SLC12A9: variants seen among roughly 807,000 people sequenced by gnomAD.
The protein encoded by SLC12A9 is CCC-interacting protein 1.
Under a neutral mutation model 66.0 loss-of-function variants are expected in SLC12A9, and 55 were observed. The ratio of observed to expected loss-of-function variants is 0.83; its 90% CI spans 0.67 to 1.04. The LOEUF (loss-of-function observed/expected upper bound fraction) is 1.04. SLC12A9 is among the 50% of genes least tolerant of loss of function. SLC12A9 has a pLI of 0.00. For missense variants in SLC12A9, 1,061 were observed against 1,241.9 expected (o/e 0.85, Z 2.19); for synonymous variants, 577 against 569.0 (o/e 1.01, Z -0.20).
In SLC12A9 at chr7:100,852,846, G is replaced by A. The variant is rs1445669866; in HGVS notation, c.-43+11G>A. The A allele has an allele frequency of 1.3e-5, 2 of 152,260 alleles. No homozygotes were observed. Among genetic ancestry groups the A allele is most frequent in the Non-Finnish European group, 2.9e-5 (2 of 68,088 alleles). The allele number at this position is 152,260 out of a possible 1,614,324, so 9.4% of individuals were successfully genotyped here. The stretch of plus-strand genomic sequence containing the variant: ...CGCTGCGTCCTGCGGGTGGGTGAGT[G>A]AGCGCCTCGCGGCCCCCGAGCTGTG... On this transcript the variant is annotated intron_variant, in intron 1 of 13. Transcript: ENST00000354161.
chr7:100,827,122 C>T (rs985973245), intron 1 of SLC12A9: 4 of 1,402,622 alleles, frequency 2.9e-6, no homozygotes, highest in East Asian at 2.6e-5. Flanking sequence ...GACGCCGATA[C>T]TCCGCGCGGG....
Position 100,861,951 on chromosome 7 carries a change from C to A in SLC12A9, c.1711+40C>A. 1 of 1,503,826 alleles carries A rather than the reference C, an allele frequency of 6.6e-7. No homozygotes were observed. The allele number at this position is 1,503,826 out of a possible 1,614,324, so 93.2% of individuals were successfully genotyped here. A position where few individuals can be genotyped will look rare whatever the true frequency, so the allele number is the denominator to read the frequency against. On this transcript the variant is annotated intron_variant, in intron 12 of 13. Transcript: ENST00000354161. The surrounding 1 kb of genome is among the most constrained non-coding windows in gnomAD (Gnocchi z 5.3). Reference sequence around the variant, plus strand: ...CACTCACTCACTCACTCCCATCCTTCTCTCCCCCTACCTTTTTTTTTTTTT... The same window carrying A: ...CACTCACTCACTCACTCCCATCCTTATCTCCCCCTACCTTTTTTTTTTTTT...
rs770883827 is a variant in SLC12A9, at chr7:100,857,034, C to A, written c.615C>A (p.Ala205=). ...TCCTGCTGGTCTCTGGCTCCCTGGC[C>A]TCTGTGCTCATCAGTTTTGTGGCTG... is the stretch of plus-strand genomic sequence containing the variant. The part of the protein sequence containing the change: ...LTFLLVSGSL[A]SVLISFVAVG... Residue 205 remains alanine, a synonymous_variant, in exon 5 of 14, where the codon GCC becomes GCA. Coordinates refer to ENST00000354161, the MANE Select transcript of SLC12A9 (RefSeq NM_020246.4). 6.2e-7 allele frequency: 1 copy of A among 1,614,240 alleles called. No homozygotes were observed. Among genetic ancestry groups the A allele is most frequent in the Non-Finnish European group, 8.5e-7 (1 of 1,180,040 alleles).
intron 4 of SLC12A9, chr7:100,856,529 T>A (rs575761400): frequency 6.0e-4 from 127 of 211,486 alleles, no homozygotes; most frequent in Admixed American, 1.4e-3. Flanking sequence ...TTTTTTTTTT[T>A]CTTGAGAGAA....
intron 1 of SLC12A9, among the ~76,000 whole-genome samples, chr7:100,839,561 A>ACT (rs1187612802): frequency 2.6e-5 from 4 of 151,952 alleles, no homozygotes; most frequent in Non-Finnish European, 5.9e-5. Flanking sequence ...CCTGCGGGCG[A>ACT]CTCTAACTAG....
intron 1 of SLC12A9, among the ~76,000 whole-genome samples, chr7:100,831,619 C>T (rs893126353): frequency 2.6e-5 from 4 of 152,158 alleles, no homozygotes; most frequent in South Asian, 2.1e-4. Context: ...GGACCCCGCG[C>T]GGGGACCATG....
At chr7:100,831,180 GTATTT>G (rs914413606) in intron 1 of SLC12A9, among the ~76,000 whole-genome samples, 1 of 152,034 alleles carries the variant, frequency 6.6e-6, no homozygotes, top group African/African-American at 2.4e-5. Flanking sequence ...CTTTTCTTTT[GTATTT>G]TATTTTATTT....
At chr7:100,829,344 A>C (rs773115094) in intron 1 of SLC12A9, among the ~76,000 whole-genome samples, 2 of 152,096 alleles carry the variant, frequency 1.3e-5, no homozygotes, top group Non-Finnish European at 2.9e-5. Context: ...AGCAAGAGAG[A>C]CGTTGGAGTC....
At chr7:100,850,045 G>A (rs749287078), upstream of SLC12A9, among the ~76,000 whole-genome samples, 13 of 152,002 alleles carry the variant, frequency 8.6e-5, no homozygotes, top group Non-Finnish European at 1.9e-4. Flanking sequence ...GCTAATTTTT[G>A]TATTTTTAGT....
intron 1 of SLC12A9, among the ~76,000 whole-genome samples, chr7:100,840,640 GGAGAGAGAGAAAGACA>G (rs1813766909): frequency 6.6e-6 from 1 of 151,570 alleles, no homozygotes. Flanking sequence ...AGGGAGTCAA[GGAGAGAGAGAAAGACA>G]GAGAGAAAGA....
intron 7 of SLC12A9, 60 bp from the exon 8 acceptor site, chr7:100,859,825 T>G: frequency 4.6e-6 from 7 of 1,534,568 alleles, no homozygotes; most frequent in African/African-American, 1.4e-5. Flanking sequence ...AGATCGGGGC[T>G]GGAGATTTTC....
chr7:100,865,493 G>A (rs1409001390), intron 13 of SLC12A9: 1 of 1,531,936 alleles, frequency 6.5e-7, no homozygotes, highest in Non-Finnish European at 8.8e-7. Flanking sequence ...TGTTTAAGTG[G>A]AGGAGATTAG....
At chr7:100,851,500 T>C (rs1814075600), upstream of SLC12A9, among the ~76,000 whole-genome samples, 2 of 144,098 alleles carry the variant, frequency 1.4e-5, no homozygotes, top group African/African-American at 5.1e-5. Context: ...CTCAGCTCAC[T>C]GCAACCTCTG....
chr7:100,860,969 T>G lies in SLC12A9; in HGVS notation c.1219-169T>G. The G allele has an allele frequency of 3.3e-6, 4 of 1,226,904 alleles. No homozygotes were observed. In the East Asian group the frequency reaches 7.2e-5, roughly 22 times the overall value. 76.0% of individuals were successfully genotyped at this position (1,226,904 alleles called of 1,614,324 possible). A position where few individuals can be genotyped will look rare whatever the true frequency, so the allele number is the denominator to read the frequency against. On this transcript the variant is annotated intron_variant, in intron 9 of 13. Coordinates refer to ENST00000354161, the MANE Select transcript of SLC12A9 (RefSeq NM_020246.4). The stretch of plus-strand genomic sequence containing the variant: ...GCACTTTTGGGGTTTAATAGCATTT[T>G]GGGGGTTCATTGACACTTTGGGGGT...
At position 100,865,969 on chromosome 7, in the gene SLC12A9, C is replaced by T. The variant is rs953354814; in HGVS notation, c.2109C>T (p.Ser703=). ...AGAATGTGGTGCTGGCCCGGGCCAG[C>T]GGGGCCTTGCCCCCTGAGCGGCTGA... ...MNKNVVLARA[S]GALPPERLSR... The change falls in exon 14 of 14, where the codon AGC becomes AGT. Residue 703 remains serine, a synonymous_variant. Transcript: ENST00000354161. 26 of 1,612,890 alleles carry T rather than the reference C, an allele frequency of 1.6e-5. No individual in the cohort carries two copies. Among genetic ancestry groups the T allele is most frequent in the South Asian group, 1.5e-4 (14 of 91,060 alleles).
At chr7:100,853,246 C>T (rs956085189) in intron 1 of SLC12A9, 1 of 152,032 alleles carries the variant, frequency 6.6e-6, no homozygotes, top group African/African-American at 2.4e-5. Flanking sequence ...ATGGGGAAGG[C>T]TCTCCTGCCC....
At chr7:100,839,240 G>C (rs1444119484) in intron 1 of SLC12A9, among the ~76,000 whole-genome samples, 3 of 152,072 alleles carry the variant, frequency 2.0e-5, no homozygotes, top group African/African-American at 7.2e-5. Context: ...CAGGAGAATG[G>C]CGTGAACCCA....
chr7:100,829,267 C>G (rs1031950173), intron 1 of SLC12A9, among the ~76,000 whole-genome samples: 1 of 152,126 alleles, frequency 6.6e-6, no homozygotes, highest in Non-Finnish European at 1.5e-5. Context: ...GGATTACAGA[C>G]GTTAGCCACC....
intron 3 of SLC12A9, among the ~76,000 whole-genome samples, chr7:100,855,208 G>A (rs1814313415): frequency 6.6e-6 from 1 of 152,160 alleles, no homozygotes; most frequent in Admixed American, 6.5e-5. Flanking sequence ...CTGTGATCTC[G>A]ACTTCCTGGG....
Sources: gnomAD v4.1 joint callset for allele counts (sites outside exome capture counted in the v4.1 genomes callset) on GRCh38, gnomAD v4.1.1 for gene constraint, Gnocchi (gnomAD v3.1) non-coding constraint, MANE v1.5 for transcripts, NCBI Gene and HGNC (gene_info 2026-07-23, HGNC 2026-07-21) for gene names.